Variants in RAB35 observed in about 807,000 individuals in gnomAD.
RAB35 encodes ras-related protein Rab-35.
Under a neutral mutation model 28.9 loss-of-function variants are expected in RAB35, and 4 were observed. That is an observed-to-expected ratio of 0.14 (90% CI 0.07 to 0.32). RAB35 has a LOEUF of 0.32. Ranked by LOEUF, RAB35 falls within the 10% of genes least tolerant of loss-of-function variation. RAB35 has a pLI of 1.00. For missense variants in RAB35, 128 were observed against 274.0 expected (o/e 0.47, Z 3.76); for synonymous variants, 99 against 105.1 (o/e 0.94, Z 0.35).
chr12:120,098,045 G>T (rs915124660), intron 5 of RAB35, among the ~76,000 whole-genome samples: 1 of 151,920 alleles, frequency 6.6e-6, no homozygotes, highest in Non-Finnish European at 1.5e-5. Flanking sequence ...CACCACGCCC[G>T]GCTAATTTTT....
At chr12:120,097,808 G>C (rs939582809) in intron 5 of RAB35, among the ~76,000 whole-genome samples, 10 of 152,154 alleles carry the variant, frequency 6.6e-5, no homozygotes, top group African/African-American at 2.4e-4. Context: ...TGTGGACTTG[G>C]GGAAGTCAAT....
At chr12:120,115,174 T>C (rs1291861629) in intron 1 of RAB35, among the ~76,000 whole-genome samples, 2 of 151,652 alleles carry the variant, frequency 1.3e-5, no homozygotes, top group Non-Finnish European at 2.9e-5. Context: ...TCTCCCCTCC[T>C]CCAGCAACCA....
chr12:120,104,929 C>T (rs1362112571), intron 2 of RAB35, among the ~76,000 whole-genome samples: 3 of 152,198 alleles, frequency 2.0e-5, no homozygotes, highest in African/African-American at 4.8e-5. Flanking sequence ...CCACCGTGCC[C>T]GGCCTGAAAG....
intron 5 of RAB35, among the ~76,000 whole-genome samples, 173 bp downstream of exon 5, chr12:120,098,638 G>A (rs1373182955): frequency 1.3e-5 from 2 of 152,226 alleles, no homozygotes; most frequent in South Asian, 2.1e-4. Context: ...TACCTCAGAG[G>A]ACTGTTGAAC....
intron 3 of RAB35, among the ~76,000 whole-genome samples, chr12:120,101,583 C>T (rs1875659406): frequency 6.6e-6 from 1 of 152,216 alleles, no homozygotes; most frequent in Non-Finnish European, 1.5e-5. Context: ...CTGAAAACTC[C>T]TCACCTCCCC....
intron 1 of RAB35, among the ~76,000 whole-genome samples, chr12:120,116,367 AG>A (rs546983563): frequency 6.6e-6 from 1 of 152,186 alleles, no homozygotes; most frequent in East Asian, 1.9e-4. Context: ...CACGTGAGGC[AG>A]GAACAGGCGC....
At position 120,099,173 on chromosome 12, in the gene RAB35, C is replaced by T. The variant is rs192147485; in HGVS notation, c.228-19G>A. On this transcript the variant is annotated intron_variant, in intron 3 of 5. Coordinates refer to ENST00000229340, the MANE Select transcript of RAB35 (RefSeq NM_006861.7). ...ATAATACCTGCAGGGCCAGAGTGTGCGGCAGCATGTCAACCCCGACAGGAG... is the reference window on the plus strand; with the variant it reads ...ATAATACCTGCAGGGCCAGAGTGTGTGGCAGCATGTCAACCCCGACAGGAG... 57 of 1,613,832 alleles carry T rather than the reference C, an allele frequency of 3.5e-5. No homozygotes were observed. The African/African-American group carries it at 4.7e-4, about 13-fold the overall frequency.
chr12:120,107,146 G>A (rs569532032), intron 2 of RAB35, among the ~76,000 whole-genome samples: 57 of 151,058 alleles, frequency 3.8e-4, no homozygotes, highest in African/African-American at 1.1e-3. Context: ...GCACCACCAC[G>A]CCCAGCTAAT....
chr12:120,107,772 C>T (rs1875945773), intron 2 of RAB35, among the ~76,000 whole-genome samples: 1 of 137,214 alleles, frequency 7.3e-6, no homozygotes, highest in Admixed American at 8.5e-5. Context: ...GAGGTTGAGA[C>T]AGGAGAATTG....
chr12:120,102,423 A>T (rs1385050022), intron 3 of RAB35, among the ~76,000 whole-genome samples: 1 of 152,078 alleles, frequency 6.6e-6, no homozygotes, highest in Non-Finnish European at 1.5e-5. Context: ...AGCTGCCAAG[A>T]CATGCAGGCC....
At chr12:120,104,026 C>T in intron 2 of RAB35, 77 bp from the exon 3 acceptor site, 13 of 1,545,782 alleles carry the variant, frequency 8.4e-6, no homozygotes, top group South Asian at 1.2e-5. Flanking sequence ...ACACAACACA[C>T]CCCCAGGCTC....
chr12:120,102,316 C>T (rs780239134), intron 3 of RAB35, among the ~76,000 whole-genome samples: 3 of 152,252 alleles, frequency 2.0e-5, no homozygotes, highest in African/African-American at 7.2e-5. Context: ...GACCAGCCAA[C>T]GGCATGAGGG....
chr12:120,106,870 A>G (rs1417986817), intron 2 of RAB35, among the ~76,000 whole-genome samples: 4 of 151,728 alleles, frequency 2.6e-5, no homozygotes, highest in Non-Finnish European at 4.4e-5. Context: ...TACAGGCGTG[A>G]GCCACCGCGC....
Position 120,097,333 on chromosome 12 carries a change from T to G in RAB35, c.518A>C (p.Lys173Thr), listed in dbSNP as rs759732142. Residue 173 changes from lysine (K) to threonine (T), a missense_variant, in exon 6 of 6, where the codon AAA (lysine) becomes ACA (threonine). Coordinates refer to ENST00000229340, the MANE Select transcript of RAB35 (RefSeq NM_006861.7). ...CITELVLRAK[K>T]DNLAKQQQQQ... The stretch of plus-strand genomic sequence containing the variant: ...CTGCTGCTGTTTTGCCAGGTTGTCT[T>G]TCTTTGCTCGGAGGACCAGCTCCGT... 6.2e-7 allele frequency: 1 copy of G among 1,613,554 alleles called. No homozygotes were observed. Among genetic ancestry groups the G allele is most frequent in the Non-Finnish European group, 8.5e-7 (1 of 1,180,012 alleles).
intron 1 of RAB35, among the ~76,000 whole-genome samples, chr12:120,113,701 C>G (rs1876214922): frequency 6.6e-6 from 1 of 152,028 alleles, no homozygotes; most frequent in Non-Finnish European, 1.5e-5. Flanking sequence ...ACCTGTAGTC[C>G]CACCTACTCG....
chr12:120,108,608 C>A (rs1258333459), intron 1 of RAB35, 141 bp from the exon 2 acceptor site: 1 of 764,790 alleles, frequency 1.3e-6, no homozygotes, highest in South Asian at 1.5e-5. Flanking sequence ...ATGCTCTTTC[C>A]ACCTCCCTGA....
chr12:120,110,634 C>T (rs1299061105), intron 1 of RAB35, among the ~76,000 whole-genome samples: 1 of 152,162 alleles, frequency 6.6e-6, no homozygotes, highest in East Asian at 1.9e-4. Flanking sequence ...AAACCACTGT[C>T]GCAGTTGTAT....
At chr12:120,111,508 C>G (rs1339095348) in intron 1 of RAB35, among the ~76,000 whole-genome samples, 2 of 152,112 alleles carry the variant, frequency 1.3e-5, no homozygotes, top group Admixed American at 6.5e-5. Flanking sequence ...GATGAACACC[C>G]CACCTCTAGT....
chr12:120,103,015 G>A lies in RAB35; in HGVS notation c.227+811C>T, dbSNP rs1231464067. Among the ~76,000 whole-genome samples, 1 of 152,188 alleles carries A rather than the reference G, an allele frequency of 6.6e-6. No individual in the cohort carries two copies. Among genetic ancestry groups the A allele is most frequent in the Non-Finnish European group, 1.5e-5 (1 of 68,022 alleles). ...CCAGACACCACACCCCGGCACGCAC[G>A]TTGACGCCTGCAGCAGAGCACCTGG... On this transcript the variant is annotated intron_variant, in intron 3 of 5. Coordinates refer to ENST00000229340, the MANE Select transcript of RAB35 (RefSeq NM_006861.7). The surrounding 1 kb of genome is among the most constrained non-coding windows in gnomAD (Gnocchi z 6.1).
Sources: gnomAD v4.1 joint callset for allele counts (sites outside exome capture counted in the v4.1 genomes callset) on GRCh38, gnomAD v4.1.1 for gene constraint, Gnocchi (gnomAD v3.1) non-coding constraint, MANE v1.5 for transcripts, NCBI Gene and HGNC (gene_info 2026-07-23, HGNC 2026-07-21) for gene names.